The following DKK4 variants were observed in gnomAD, a reference collection of about 807,000 sequenced individuals.
The protein encoded by DKK4 is dickkopf Wnt signaling pathway inhibitor 4, also known as dickkopf-related protein 4.
Under a neutral mutation model 14.5 loss-of-function variants are expected in DKK4, and 15 were observed. The observed-to-expected ratio is 1.03, with a 90% CI of 0.69 to 1.59. The LOEUF (loss-of-function observed/expected upper bound fraction) is 1.59. Among genes scored for constraint, DKK4 ranks in the 40% most tolerant of loss-of-function variants. DKK4 has a pLI of 0.00. For missense variants in DKK4, 272 were observed against 280.3 expected (o/e 0.97, Z 0.21); for synonymous variants, 89 against 105.2 (o/e 0.85, Z 0.94).
upstream of DKK4, among the ~76,000 whole-genome samples, chr8:42,380,804 AAAG>A (rs1261730391): frequency 3.6e-5 from 5 of 138,242 alleles, no homozygotes; most frequent in East Asian, 2.1e-4. Flanking sequence ...AAGAAAAAGA[AAAG>A]GAAGGAAGGA....
upstream of DKK4, among the ~76,000 whole-genome samples, chr8:42,379,723 A>C (rs569582277): frequency 4.4e-4 from 67 of 152,196 alleles, no homozygotes; most frequent in South Asian, 0.013. Flanking sequence ...AGATATCCTC[A>C]CCTGGGCTCA....
In DKK4 at chr8:42,376,952, G is replaced by C; in HGVS notation, c.94C>G (p.Leu32Val). 3 of 1,613,756 alleles carry C rather than the reference G, an allele frequency of 1.9e-6. No individual in the cohort carries two copies. Among genetic ancestry groups the C allele is most frequent in the Non-Finnish European group, 2.5e-6 (3 of 1,179,992 alleles). The change falls in exon 1 of 4, where the codon CTG (leucine) becomes GTG (valine). Residue 32 changes from leucine to valine, a missense_variant. Physicochemically the swap from Leu to Val is conservative, Grantham distance 32 (BLOSUM62 1). Transcript: ENST00000220812. ...AGCCTTACCTTCCGGGCCCCATGCA[G>C]GTCAGCAGAGCTCCTGATGTTGTTG... ...DFNNIRSSAD[L>V]HGARKGSQCL...
chr8:42,388,062 C>G, the DKK4 span, among the ~76,000 whole-genome samples: 1 of 152,094 alleles, frequency 6.6e-6, no homozygotes, highest in Non-Finnish European at 1.5e-5. Context: ...TCACCCTCAG[C>G]TAATTAAAAA....
chr8:42,379,386 G>T (rs1000980085), upstream of DKK4, among the ~76,000 whole-genome samples: 5,000 of 23,682 alleles, frequency 0.21, 148 homozygotes, highest in East Asian at 0.26. Flanking sequence ...TATAGAGAGA[G>T]AGAGAGAGAG....
At chr8:42,376,858 A>G (rs1324107386) in intron 1 of DKK4, 77 bp downstream of exon 1, 4 of 1,197,198 alleles carry the variant, frequency 3.3e-6, no homozygotes, top group Admixed American at 1.8e-5. Context: ...ATGAATCAGA[A>G]TGACTTACTA....
chr8:42,379,378 T>TAGAGAGAGAG (rs537441477), upstream of DKK4, among the ~76,000 whole-genome samples: 1 of 34,556 alleles, frequency 2.9e-5, no homozygotes, highest in Non-Finnish European at 5.1e-5. Flanking sequence ...TATATATATA[T>TAGAGAGAGAG]AGAGAGAGAG....
At chr8:42,384,563 C>A in the DKK4 span, among the ~76,000 whole-genome samples, 2 of 152,104 alleles carry the variant, frequency 1.3e-5, no homozygotes, top group Non-Finnish European at 2.9e-5. Context: ...CTGTCCCAGG[C>A]TCCTACCTTG....
intron 2 of DKK4, 75 bp from the exon 3 acceptor site, chr8:42,374,988 G>A (rs1352724998): frequency 3.3e-6 from 5 of 1,502,244 alleles, no homozygotes; most frequent in Non-Finnish European, 3.7e-6. Context: ...TTATCCTACT[G>A]TTGCATAGTT....
chr8:42,386,643 C>T, the DKK4 span, among the ~76,000 whole-genome samples: 1 of 152,182 alleles, frequency 6.6e-6, no homozygotes, highest in Non-Finnish European at 1.5e-5. Flanking sequence ...CGTGCGCCAC[C>T]AACCTCAGCT....
chr8:42,385,348 C>T, the DKK4 span, among the ~76,000 whole-genome samples: 1 of 151,886 alleles, frequency 6.6e-6, no homozygotes, highest in Non-Finnish European at 1.5e-5. Context: ...GCTGAGATGG[C>T]GCTGCTGCAC....
At position 42,376,988 on chromosome 8, in the gene DKK4, C is replaced by T. The variant is rs746875260; in HGVS notation, c.58G>A (p.Val20Ile). 4 of 1,613,792 alleles carry T rather than the reference C, an allele frequency of 2.5e-6. No homozygotes were observed. Among genetic ancestry groups the T allele is most frequent in the Non-Finnish European group, 3.4e-6 (4 of 1,180,014 alleles). Reference protein sequence around the residue: ...SWLCSPLGALVLDFNNIRSSA... With the variant: ...SWLCSPLGALILDFNNIRSSA... ...CTCCTGATGTTGTTGAAGTCCAGGA[C>T]CAGAGCTCCCAGGGGAGAGCAGAGC... Residue 20 changes from valine (V) to isoleucine (I), a missense_variant, in exon 1 of 4, where the codon GTC (valine) becomes ATC (isoleucine). Transcript: ENST00000220812.
chr8:42,380,484 A>G (rs1457896483), upstream of DKK4, among the ~76,000 whole-genome samples: 8 of 135,684 alleles, frequency 5.9e-5, no homozygotes, highest in Non-Finnish European at 1.3e-4. Context: ...AGGGAGGGGG[A>G]GAGAGAGAGA....
At chr8:42,388,754 A>G in the DKK4 span, among the ~76,000 whole-genome samples, 3 of 151,632 alleles carry the variant, frequency 2.0e-5, no homozygotes, top group South Asian at 4.2e-4. Context: ...TATTTTTAGT[A>G]GAGACGGGGT....
At chr8:42,389,753 T>C in the DKK4 span, among the ~76,000 whole-genome samples, 2 of 152,214 alleles carry the variant, frequency 1.3e-5, no homozygotes, top group Non-Finnish European at 2.9e-5. Context: ...TTGTTAACAT[T>C]TTATCATATT....
chr8:42,383,225 G>A, the DKK4 span, among the ~76,000 whole-genome samples: 1 of 152,194 alleles, frequency 6.6e-6, no homozygotes, highest in African/African-American at 2.4e-5. Context: ...AGAAGGTAAG[G>A]CCAGCCCTCC....
chr8:42,390,810 G>C, the DKK4 span, among the ~76,000 whole-genome samples: 2 of 152,142 alleles, frequency 1.3e-5, no homozygotes, highest in Admixed American at 6.5e-5. Context: ...TATTATCTCT[G>C]TGTCCCTCTC....
chr8:42,389,736 TAACC>T, the DKK4 span, among the ~76,000 whole-genome samples: 1 of 152,228 alleles, frequency 6.6e-6, no homozygotes, highest in Non-Finnish European at 1.5e-5. Flanking sequence ...CCACCTCGAT[TAACC>T]AATTGTTAAC....
At chr8:42,388,168 T>C in the DKK4 span, among the ~76,000 whole-genome samples, 1 of 152,208 alleles carries the variant, frequency 6.6e-6, no homozygotes, top group African/African-American at 2.4e-5. Context: ...CTAATATTCA[T>C]ATGTATATGA....
chr8:42,380,917 A>C (rs572745667), upstream of DKK4, among the ~76,000 whole-genome samples: 4 of 152,122 alleles, frequency 2.6e-5, no homozygotes, highest in South Asian at 8.3e-4. Context: ...GAGAGAAAGA[A>C]AGAAAAAGAA....
Sources: gnomAD v4.1 joint callset for allele counts (sites outside exome capture counted in the v4.1 genomes callset) on GRCh38, gnomAD v4.1.1 for gene constraint, MANE v1.5 for transcripts, NCBI Gene and HGNC (gene_info 2026-07-23, HGNC 2026-07-21) for gene names.